The following CNTNAP2 variants were observed in gnomAD, a reference collection of about 807,000 sequenced individuals.
CNTNAP2 encodes the protein contactin associated protein 2, also known as contactin-associated protein-like 2.
A neutral mutation model predicts 155.2 loss-of-function variants in CNTNAP2; 98 were observed. That is an observed-to-expected ratio of 0.63 (90% CI 0.54 to 0.75). The LOEUF (loss-of-function observed/expected upper bound fraction) is 0.75. CNTNAP2 is among the 30% of genes least tolerant of loss of function. The pLI is 0.00. For missense variants in CNTNAP2, 1,727 were observed against 1,688.1 expected (o/e 1.02, Z -0.40); for synonymous variants, 651 against 631.2 (o/e 1.03, Z -0.47).
intron 13 of CNTNAP2, among the ~76,000 whole-genome samples, chr7:147,808,279 A>G (rs1798125165): frequency 6.6e-6 from 1 of 152,184 alleles, no homozygotes; most frequent in Non-Finnish European, 1.5e-5. Flanking sequence ...CGAGGCCCGG[A>G]AAGGGCAGCG....
At chr7:146,450,594 C>T (rs1211238429) in intron 1 of CNTNAP2, among the ~76,000 whole-genome samples, 2 of 152,126 alleles carry the variant, frequency 1.3e-5, no homozygotes, top group East Asian at 1.9e-4. Context: ...TCCTCTTAAA[C>T]GAAGCCACAT....
At chr7:146,610,538 G>C (rs181543789) in intron 1 of CNTNAP2, among the ~76,000 whole-genome samples, 2 of 152,144 alleles carry the variant, frequency 1.3e-5, no homozygotes, top group East Asian at 3.9e-4. Flanking sequence ...AAAATATAGG[G>C]AATTCAGCAT....
intron 1 of CNTNAP2, among the ~76,000 whole-genome samples, chr7:146,291,143 T>C (rs182913093): frequency 4.6e-5 from 7 of 152,074 alleles, no homozygotes; most frequent in Non-Finnish European, 8.8e-5. Context: ...TGACAATAAA[T>C]CCTTAAGATT....
intron 1 of CNTNAP2, among the ~76,000 whole-genome samples, chr7:146,553,649 GAA>G (rs1358312091): frequency 6.6e-6 from 1 of 151,972 alleles, no homozygotes; most frequent in East Asian, 1.9e-4. Flanking sequence ...ACATTTGAAA[GAA>G]AATTAAAATT....
At chr7:148,121,366 A>G (rs558076103) in intron 16 of CNTNAP2, among the ~76,000 whole-genome samples, 12 of 152,278 alleles carry the variant, frequency 7.9e-5, no homozygotes, top group Admixed American at 5.9e-4. Flanking sequence ...ACACTTCGCC[A>G]TCAGGATTCC....
At chr7:146,761,055 C>T (rs1046641042) in intron 1 of CNTNAP2, among the ~76,000 whole-genome samples, 5 of 152,056 alleles carry the variant, frequency 3.3e-5, no homozygotes, top group African/African-American at 1.2e-4. Context: ...TCAGTTTGCC[C>T]TCGGCATTCC....
chr7:148,263,777 A>C (rs998167685), intron 20 of CNTNAP2, among the ~76,000 whole-genome samples: 2 of 152,048 alleles, frequency 1.3e-5, no homozygotes, highest in Non-Finnish European at 2.9e-5. Context: ...TATATAAATA[A>C]ATGTAAAATT....
chr7:146,641,702 T>G (rs1399608263), intron 1 of CNTNAP2, among the ~76,000 whole-genome samples: 2 of 152,194 alleles, frequency 1.3e-5, no homozygotes, highest in African/African-American at 4.8e-5. Context: ...ACTTAAGAGT[T>G]TCATGCAGGT....
rs1384203538 is a variant in CNTNAP2, at chr7:147,398,701, C to A, written c.1670+2921C>A. ...TCAAGGAAAAAGCAAGCTTGCCAAGCTACAGAATTATGCATTCAGTATTTA... is the reference window on the plus strand; with the variant it reads ...TCAAGGAAAAAGCAAGCTTGCCAAGATACAGAATTATGCATTCAGTATTTA... On this transcript the variant is annotated intron_variant, in intron 10 of 23. Coordinates refer to ENST00000361727, the MANE Select transcript of CNTNAP2 (RefSeq NM_014141.6). Among the ~76,000 whole-genome samples the A allele has an allele frequency of 2.1e-5, 3 of 139,734 alleles. No homozygotes were observed. The Admixed American group carries it at 2.3e-4, about 11-fold the overall frequency. 91.7% of individuals were successfully genotyped at this position (139,734 alleles called of 152,430 possible). A position where few individuals can be genotyped will look rare whatever the true frequency, so the allele number is the denominator to read the frequency against.
intron 3 of CNTNAP2, among the ~76,000 whole-genome samples, chr7:147,001,945 T>A (rs1221229535): frequency 4.0e-5 from 6 of 151,824 alleles, no homozygotes; most frequent in African/African-American, 1.4e-4. Flanking sequence ...AAATTAAAAA[T>A]AAGACATGGT....
At chr7:147,525,983 A>G (rs1347834785) in intron 11 of CNTNAP2, among the ~76,000 whole-genome samples, 1 of 152,012 alleles carries the variant, frequency 6.6e-6, no homozygotes, top group Non-Finnish European at 1.5e-5. Context: ...ACTTGAGGTC[A>G]GGAGTTTGAC....
intron 20 of CNTNAP2, among the ~76,000 whole-genome samples, chr7:148,240,040 A>G (rs4726933): frequency 0.72 from 109,077 of 152,156 alleles, 40,274 homozygotes; most frequent in East Asian, 0.95. Context: ...ATCGTTTCTG[A>G]AGCCTGATTT....
intron 1 of CNTNAP2, among the ~76,000 whole-genome samples, chr7:146,210,496 G>C (rs1799017350): frequency 6.6e-6 from 1 of 152,128 alleles, no homozygotes; most frequent in African/African-American, 2.4e-5. Flanking sequence ...TAGATACGGG[G>C]TTTCACAATA....
At position 147,585,773 on chromosome 7, in the gene CNTNAP2, ATATG is replaced by A. The variant is rs1390432050; in HGVS notation, c.1897+23518_1897+23521del. ...TGTGTGTGTCTGTTTGTGTGTATAT[ATATG>A]TGTGTGTGTGTGTATATATGTGTGT... On this transcript the variant is annotated intron_variant, in intron 12 of 23. Transcript: ENST00000361727. Among the ~76,000 whole-genome samples, 44 of 78,546 alleles carry A rather than the reference ATATG, an allele frequency of 5.6e-4. 2 individuals carry two copies. The East Asian group carries it at 0.017, about 31-fold the overall frequency. 51.5% of individuals were successfully genotyped at this position (78,546 alleles called of 152,430 possible). A position where few individuals can be genotyped will look rare whatever the true frequency, so the allele number is the denominator to read the frequency against.
intron 2 of CNTNAP2, among the ~76,000 whole-genome samples, chr7:146,789,675 G>A (rs1480487484): frequency 1.3e-5 from 2 of 149,608 alleles, no homozygotes; most frequent in East Asian, 2.0e-4. Context: ...AGAACAATGA[G>A]ACCAACATTC....
intron 9 of CNTNAP2, among the ~76,000 whole-genome samples, chr7:147,365,908 G>T (rs1796222588): frequency 6.6e-6 from 1 of 152,098 alleles, no homozygotes; most frequent in African/African-American, 2.4e-5. Context: ...CCTAGTTCTT[G>T]AATTATTTGC....
intron 1 of CNTNAP2, among the ~76,000 whole-genome samples, chr7:146,120,002 T>C (rs910164359): frequency 2.0e-5 from 3 of 151,870 alleles, no homozygotes; most frequent in Non-Finnish European, 4.4e-5. Context: ...AAAATGTGTA[T>C]ATTTATATAT....
Position 147,317,761 on chromosome 7 carries a change from G to GATATAT in CNTNAP2, c.1498+17482_1498+17487dup, listed in dbSNP as rs774135300. On this transcript the variant is annotated intron_variant, in intron 9 of 23. Coordinates refer to ENST00000361727, the MANE Select transcript of CNTNAP2 (RefSeq NM_014141.6). ...ACTGTCGCTTAAACTTCAAAAAAAG[G>GATATAT]ATATATATATATATATGTGTGTGTG... Among the ~76,000 whole-genome samples, 332 of 146,804 alleles carry GATATAT rather than the reference G, an allele frequency of 2.3e-3. 1 individual carries two copies. The highest frequency in any genetic ancestry group is 7.8e-3 in the African/African-American group (310 of 39,682).
intron 10 of CNTNAP2, among the ~76,000 whole-genome samples, chr7:147,449,544 A>G (rs1011337311): frequency 6.6e-6 from 1 of 152,208 alleles, no homozygotes; most frequent in Non-Finnish European, 1.5e-5. Context: ...GACAGCTTAC[A>G]CTTCAAGGAC....
Sources: gnomAD v4.1 joint callset for allele counts (sites outside exome capture counted in the v4.1 genomes callset) on GRCh38, gnomAD v4.1.1 for gene constraint, MANE v1.5 for transcripts, NCBI Gene and HGNC (gene_info 2026-07-23, HGNC 2026-07-21) for gene names.